APBB1IP: variants seen among roughly 807,000 people sequenced by gnomAD.
APBB1IP encodes the protein amyloid beta A4 precursor protein-binding family B member 1-interacting protein.
A neutral mutation model predicts 64.9 loss-of-function variants in APBB1IP; 27 were observed. The observed-to-expected ratio is 0.42, with a 90% CI of 0.31 to 0.57. The LOEUF (loss-of-function observed/expected upper bound fraction) is 0.57. Ranked by LOEUF, APBB1IP falls within the 20% of genes least tolerant of loss-of-function variation. The probability of loss-of-function intolerance (pLI) is 0.20; values close to 1 mark genes in which losing one functional copy is unlikely to be tolerated. For synonymous variants in APBB1IP, 392 were observed against 331.0 expected (o/e 1.18, Z -2.00); for missense variants, 812 against 845.5 (o/e 0.96, Z 0.49).
rs184470380 is a variant in APBB1IP at position 26,542,873 on chromosome 10, C to T, written c.1155+1181C>T. On this transcript the variant is annotated intron_variant, in intron 11 of 14. Coordinates refer to ENST00000376236, the MANE Select transcript of APBB1IP (RefSeq NM_019043.4). Reference sequence around the variant, plus strand: ...AGCCTGATACTCCCCCAGTGGTTCTCAACCAGGCATTTTGCCTCCAAGGGT... The same window carrying T: ...AGCCTGATACTCCCCCAGTGGTTCTTAACCAGGCATTTTGCCTCCAAGGGT... Among the ~76,000 whole-genome samples the T allele has an allele frequency of 5.3e-5, 8 of 151,206 alleles. No homozygotes were observed. In the East Asian group the frequency reaches 1.6e-3, roughly 29 times the overall value.
In APBB1IP at chr10:26,489,475, A is replaced by T. The variant is rs576412472; in HGVS notation, c.1-2852A>T. 1.4e-3 allele frequency among the ~76,000 whole-genome samples: 212 copies of T among 152,354 alleles called. 1 individual carries two copies. Among genetic ancestry groups the T allele is most frequent in the African/African-American group, 3.8e-3 (160 of 41,584 alleles). ...AATGATAAACGCAAGATAATTGTTG[A>T]AGATAATTTGGGAAGATTAAGTGCT... On this transcript the variant is annotated intron_variant, in intron 2 of 14. Transcript: ENST00000376236.
At chr10:26,530,487 C>A (rs971325651) in intron 8 of APBB1IP, among the ~76,000 whole-genome samples, 1 of 151,870 alleles carries the variant, frequency 6.6e-6, no homozygotes, top group South Asian at 2.1e-4. Context: ...GTCAGGAGAT[C>A]GAGACCATCC....
chr10:26,539,659 A>C (rs772362554), intron 10 of APBB1IP, among the ~76,000 whole-genome samples: 5 of 152,186 alleles, frequency 3.3e-5, no homozygotes, highest in African/African-American at 4.8e-5. Context: ...GGCCAAAGAT[A>C]ACAAACAAGA....
intron 13 of APBB1IP, among the ~76,000 whole-genome samples, chr10:26,561,441 C>T (rs1836971919): frequency 6.9e-6 from 1 of 145,942 alleles, no homozygotes; most frequent in Non-Finnish European, 1.5e-5. Context: ...CAGGCTGGAG[C>T]CCTGTATCTA....
chr10:26,567,036 C>A lies in APBB1IP; in HGVS notation c.1549C>A (p.Pro517Thr). Reference protein sequence around the residue: ...RAPHAPKSSLPPPPPVRRSSD... With the variant: ...RAPHAPKSSLTPPPPVRRSSD... ...CCCGCACGCCCCCAAGTCCAGCCTG[C>A]CCCCGCCCCCTCCGGTGCGGAGGTC... The change falls in exon 15 of 15, where the codon CCC becomes ACC. Residue 517 changes from proline to threonine, a missense_variant. This residue lies in a region of APBB1IP where 381 missense variants were observed against 352.1 expected (regional missense o/e 1.08). Transcript: ENST00000376236. 1.3e-6 allele frequency: 2 copies of A among 1,539,372 alleles called. No homozygotes were observed. The highest frequency in any genetic ancestry group is 8.7e-7 in the Non-Finnish European group (1 of 1,156,058).
chr10:26,541,746 T>A, intron 11 of APBB1IP, 54 bp downstream of exon 11: 2 of 1,344,904 alleles, frequency 1.5e-6, no homozygotes, highest in South Asian at 2.7e-5. Flanking sequence ...AGTTAATTTT[T>A]TTTCAAGGAA....
At chr10:26,446,817 G>A (rs1481164390) in intron 2 of APBB1IP, among the ~76,000 whole-genome samples, 1 of 151,808 alleles carries the variant, frequency 6.6e-6, no homozygotes, top group Non-Finnish European at 1.5e-5. Context: ...CTATGATCAC[G>A]CCACTGCACT....
chr10:26,533,599 A>G, intron 9 of APBB1IP, 74 bp downstream of exon 9: 1 of 979,906 alleles, frequency 1.0e-6, no homozygotes, highest in Non-Finnish European at 1.4e-6. Context: ...GCTTCCGAGA[A>G]CAATGGAAAA....
chr10:26,527,297 C>T (rs911576797), intron 8 of APBB1IP, among the ~76,000 whole-genome samples: 8 of 152,098 alleles, frequency 5.3e-5, no homozygotes, highest in African/African-American at 1.9e-4. Flanking sequence ...CCTGTAATCC[C>T]AACACTTTGG....
At chr10:26,566,240 G>A (rs921599544) in intron 14 of APBB1IP, among the ~76,000 whole-genome samples, 1 of 152,096 alleles carries the variant, frequency 6.6e-6, no homozygotes, top group Non-Finnish European at 1.5e-5. Context: ...GCAACACAGC[G>A]AGACTCCATC....
At chr10:26,522,362 C>T (rs1291509319) in intron 8 of APBB1IP, among the ~76,000 whole-genome samples, 1 of 152,210 alleles carries the variant, frequency 6.6e-6, no homozygotes, top group Non-Finnish European at 1.5e-5. Flanking sequence ...GATGAATCTA[C>T]ATTGACACGT....
intron 2 of APBB1IP, among the ~76,000 whole-genome samples, chr10:26,471,252 C>T (rs777817845): frequency 2.0e-5 from 3 of 152,032 alleles, no homozygotes; most frequent in Admixed American, 6.6e-5. Context: ...CCTAGATGGC[C>T]CCACATATCA....
rs770452920 is a variant in APBB1IP at position 26,541,741 on chromosome 10, AT to A, written c.1155+57del. ...TTAGATTTATAAGCAATTTGAGTTA[AT>A]TTTTTTTCAAGGAAGAAAATGTTAA... On this transcript the variant is annotated intron_variant, in intron 11 of 14. Coordinates refer to ENST00000376236, the MANE Select transcript of APBB1IP (RefSeq NM_019043.4). 69 of 1,378,420 alleles carry A rather than the reference AT, an allele frequency of 5.0e-5. 1 individual carries two copies. The highest frequency in any genetic ancestry group is 3.3e-4 in the African/African-American group (22 of 67,604). The allele number at this position is 1,378,420 out of a possible 1,614,324, so 85.4% of individuals were successfully genotyped here.
At chr10:26,476,135 G>A (rs1260868725) in intron 2 of APBB1IP, among the ~76,000 whole-genome samples, 1 of 151,394 alleles carries the variant, frequency 6.6e-6, no homozygotes, top group African/African-American at 2.4e-5. Context: ...CACAGCTCAG[G>A]GCAACCTCCG....
rs74537198 is a variant in APBB1IP, at chr10:26,539,790, G to A, written c.1045-1792G>A. The stretch of plus-strand genomic sequence containing the variant: ...AAAAAGATAAACATACAGAAAAATG[G>A]CAAAGCTTTTAAAGGGAAAATTTAC... On this transcript the variant is annotated intron_variant, in intron 10 of 14. Coordinates refer to ENST00000376236, the MANE Select transcript of APBB1IP (RefSeq NM_019043.4). Among the ~76,000 whole-genome samples the A allele has an allele frequency of 6.2e-3, 937 of 152,164 alleles. 19 individuals are homozygous for A. Among genetic ancestry groups the A allele is most frequent in the South Asian group, 0.055 (267 of 4,816 alleles).
intron 6 of APBB1IP, among the ~76,000 whole-genome samples, chr10:26,507,837 T>G (rs1281913158): frequency 6.6e-6 from 1 of 152,238 alleles, no homozygotes; most frequent in Non-Finnish European, 1.5e-5. Context: ...CAGATTCCAT[T>G]CATTCGCTTC....
chr10:26,463,774 T>C (rs974986652), intron 2 of APBB1IP, among the ~76,000 whole-genome samples: 11 of 152,210 alleles, frequency 7.2e-5, no homozygotes, highest in Non-Finnish European at 1.5e-4. Flanking sequence ...ATGTGCAGAA[T>C]GTGCAGGTTT....
chr10:26,445,834 T>C (rs1835391928), intron 2 of APBB1IP, among the ~76,000 whole-genome samples: 1 of 152,246 alleles, frequency 6.6e-6, no homozygotes, highest in African/African-American at 2.4e-5. Flanking sequence ...ACAACACTGT[T>C]AAGATATTTG....
intron 3 of APBB1IP, among the ~76,000 whole-genome samples, chr10:26,493,920 T>C (rs1158493651): frequency 6.6e-6 from 1 of 152,174 alleles, no homozygotes; most frequent in East Asian, 1.9e-4. Flanking sequence ...CACTGCAGCC[T>C]CAACCTCTTG....
Sources: gnomAD v4.1 joint callset for allele counts (sites outside exome capture counted in the v4.1 genomes callset) on GRCh38, gnomAD v4.1.1 for gene constraint, gnomAD v4.1.1 regional missense constraint, MANE v1.5 for transcripts, NCBI Gene and HGNC (gene_info 2026-07-23, HGNC 2026-07-21) for gene names.